The following MINDY4 variants were observed in gnomAD, a reference collection of about 807,000 sequenced individuals.
The protein encoded by MINDY4 is probable ubiquitin carboxyl-terminal hydrolase MINDY-4.
A neutral mutation model predicts 87.0 loss-of-function variants in MINDY4; 68 were observed. The observed-to-expected ratio is 0.78, with a 90% CI of 0.64 to 0.96. The LOEUF is 0.96. Ranked by LOEUF, MINDY4 falls within the 40% of genes least tolerant of loss-of-function variation. The pLI, the probability that MINDY4 is intolerant of heterozygous loss-of-function variation, is 0.00. For missense variants in MINDY4, 919 were observed against 928.2 expected (o/e 0.99, Z 0.13); for synonymous variants, 379 against 363.2 (o/e 1.04, Z -0.50).
intron 5 of MINDY4, among the ~76,000 whole-genome samples, chr7:30,805,151 G>A (rs977397937): frequency 1.3e-5 from 2 of 152,224 alleles, no homozygotes; most frequent in African/African-American, 2.4e-5. Flanking sequence ...ACTGGCAGCA[G>A]GGCCCCTGCC....
At chr7:30,887,674 C>T (rs543752030) in intron 17 of MINDY4, among the ~76,000 whole-genome samples, 2 of 152,196 alleles carry the variant, frequency 1.3e-5, no homozygotes, top group Non-Finnish European at 2.9e-5. Flanking sequence ...TGGTGGGGGT[C>T]GTGTTCATGC....
At chr7:30,826,242 C>T (rs573456943) in intron 5 of MINDY4, among the ~76,000 whole-genome samples, 5 of 152,244 alleles carry the variant, frequency 3.3e-5, no homozygotes, top group South Asian at 4.2e-4. Flanking sequence ...AATTGAGGGC[C>T]GTTATTCAGC....
chr7:30,776,949 G>A (rs1786836226), intron 1 of MINDY4, among the ~76,000 whole-genome samples: 1 of 97,566 alleles, frequency 1.0e-5, no homozygotes, highest in Non-Finnish European at 2.1e-5. Context: ...GGGCACCCTT[G>A]TCCTCTACCC....
chr7:30,853,023 A>C (rs1789460740), intron 11 of MINDY4, among the ~76,000 whole-genome samples: 1 of 152,038 alleles, frequency 6.6e-6, no homozygotes, highest in South Asian at 2.1e-4. Context: ...TGGCCTGGCT[A>C]TTGTGATTTG....
At chr7:30,881,309 G>T (rs1790457558) in intron 15 of MINDY4, among the ~76,000 whole-genome samples, 1 of 152,176 alleles carries the variant, frequency 6.6e-6, no homozygotes, top group African/African-American at 2.4e-5. Flanking sequence ...TGAGGGCCCT[G>T]GTGCTTATTC....
intron 5 of MINDY4, among the ~76,000 whole-genome samples, chr7:30,796,335 A>G (rs777543354): frequency 1.7e-4 from 26 of 152,190 alleles, no homozygotes; most frequent in Non-Finnish European, 3.1e-4. Flanking sequence ...AGGTGAGGGG[A>G]GGATGTCTAG....
At chr7:30,784,492 C>T (rs1034875072) in intron 3 of MINDY4, among the ~76,000 whole-genome samples, 3 of 152,234 alleles carry the variant, frequency 2.0e-5, no homozygotes, top group African/African-American at 4.8e-5. Flanking sequence ...CTCAAATCCG[C>T]CCTTGCCCTA....
At chr7:30,832,400 C>T (rs1333256771) in intron 6 of MINDY4, among the ~76,000 whole-genome samples, 1 of 152,230 alleles carries the variant, frequency 6.6e-6, no homozygotes, top group African/African-American at 2.4e-5. Flanking sequence ...TCTGGGGCCT[C>T]AGATGTCTAA....
At chr7:30,840,895 CCCAGAGTGT>C in intron 9 of MINDY4, 47 bp downstream of exon 9, 1 of 1,526,784 alleles carries the variant, frequency 6.5e-7, no homozygotes, top group Non-Finnish European at 9.0e-7. Context: ...CCAAGTCTTC[CCCAGAGTGT>C]CCAGAAAAAA....
At chr7:30,837,712 A>G (rs774569480) in intron 7 of MINDY4, among the ~76,000 whole-genome samples, 3 of 152,190 alleles carry the variant, frequency 2.0e-5, no homozygotes, top group African/African-American at 2.4e-5. Context: ...CCTAAAGACT[A>G]TGCAGCAGTA....
At chr7:30,871,685 C>G (rs76309629) in intron 13 of MINDY4, among the ~76,000 whole-genome samples, 6,608 of 152,306 alleles carry the variant, frequency 0.043, 229 homozygotes, top group Non-Finnish European at 0.064. Flanking sequence ...GCTGGGCACC[C>G]TTGAGCAAGA....
intron 5 of MINDY4, among the ~76,000 whole-genome samples, chr7:30,812,839 C>T (rs1394945771): frequency 1.3e-5 from 2 of 152,276 alleles, no homozygotes; most frequent in Admixed American, 1.3e-4. Flanking sequence ...AACTTCTGGA[C>T]CTTTGATTCC....
chr7:30,779,980 A>G (rs1347677525), intron 2 of MINDY4: 3 of 152,228 alleles, frequency 2.0e-5, no homozygotes, highest in South Asian at 2.1e-4. Flanking sequence ...AGGCAAACAT[A>G]TAAACTAAAA....
intron 15 of MINDY4, among the ~76,000 whole-genome samples, chr7:30,879,653 A>T (rs57662262): frequency 6.6e-6 from 1 of 151,986 alleles, no homozygotes; most frequent in Non-Finnish European, 1.5e-5. Flanking sequence ...TTTCCCTGTT[A>T]TCGTTTTGAC....
chr7:30,868,738 G>A (rs1458197305), intron 13 of MINDY4, among the ~76,000 whole-genome samples: 1 of 152,210 alleles, frequency 6.6e-6, no homozygotes, highest in Non-Finnish European at 1.5e-5. Flanking sequence ...GACAGAGTTG[G>A]GAGGTTTGGT....
At chr7:30,850,632 C>T in intron 10 of MINDY4, 77 bp downstream of exon 10, 1 of 1,334,520 alleles carries the variant, frequency 7.5e-7, no homozygotes, top group Non-Finnish European at 1.0e-6. Context: ...GTGTATGCTC[C>T]TATCCTTGGG....
At chr7:30,833,520 T>C (rs1336239999) in intron 6 of MINDY4, among the ~76,000 whole-genome samples, 4 of 152,174 alleles carry the variant, frequency 2.6e-5, no homozygotes, top group Non-Finnish European at 1.5e-5. Context: ...AAGATGAGAT[T>C]TGGGTGGGGA....
At chr7:30,786,078 A>G in intron 4 of MINDY4, 86 bp downstream of exon 4, 3 of 1,557,888 alleles carry the variant, frequency 1.9e-6, no homozygotes, top group Non-Finnish European at 2.6e-6. Context: ...TATTTGGGGT[A>G]CCCCACAGGG....
At chr7:30,812,123 G>T (rs139189101) in intron 5 of MINDY4, among the ~76,000 whole-genome samples, 1 of 152,182 alleles carries the variant, frequency 6.6e-6, no homozygotes, top group African/African-American at 2.4e-5. Context: ...AAGTGTTGTC[G>T]TACAAACAAA....
Sources: allele counts gnomAD v4.1 joint callset (sites outside exome capture counted in the v4.1 genomes callset), GRCh38; gene constraint gnomAD v4.1.1; transcripts MANE v1.5; gene names NCBI Gene and HGNC (gene_info 2026-07-23, HGNC 2026-07-21).